Variants in ITGB3 observed in about 807,000 individuals in gnomAD.
The protein encoded by ITGB3 is integrin subunit beta 3, also known as integrin beta-3.
A neutral mutation model predicts 85.8 loss-of-function variants in ITGB3; 48 were observed. The ratio of observed to expected loss-of-function variants is 0.56; its 90% CI spans 0.44 to 0.71. ITGB3 has a LOEUF of 0.71. ITGB3 is among the 30% of genes least tolerant of loss of function. The pLI is 0.00. For synonymous variants in ITGB3, 363 were observed against 395.6 expected, an observed-to-expected ratio of 0.92 and a Z score of 0.98; for missense variants, 861 against 1,019.1, an observed-to-expected ratio of 0.84 and a Z score of 2.11.
At chr17:47,301,546 T>A (rs1298221894) in intron 12 of ITGB3, among the ~76,000 whole-genome samples, 2 of 151,430 alleles carry the variant, frequency 1.3e-5, no homozygotes, top group Non-Finnish European at 2.9e-5. Flanking sequence ...GAGGAGAGGC[T>A]GCTGAGATAT....
intron 13 of ITGB3, among the ~76,000 whole-genome samples, chr17:47,307,263 G>A (rs189395791): frequency 4.3e-4 from 65 of 152,258 alleles, no homozygotes; most frequent in African/African-American, 1.5e-3. Flanking sequence ...TCTGTCTAGG[G>A]GTTACCAGGT....
intron 10 of ITGB3, among the ~76,000 whole-genome samples, chr17:47,297,175 TAA>T (rs1278629636): frequency 6.6e-6 from 1 of 152,138 alleles, no homozygotes; most frequent in Non-Finnish European, 1.5e-5. Context: ...CATATTAGTA[TAA>T]ATAGGGAAAA....
rs2065131315 is a variant in ITGB3 at position 47,292,545 on chromosome 17, G to A, written c.1667G>A (p.Arg556His). 5.0e-6 allele frequency: 8 copies of A among 1,601,428 alleles called. No individual in the cohort carries two copies. Among genetic ancestry groups the A allele is most frequent in the East Asian group, 2.2e-5 (1 of 44,874 alleles). ...YCECDDFSCV[R>H]YKGEMCSGHG... Reference sequence around the variant, plus strand: ...GAGTGTGACGACTTCTCCTGTGTCCGCTACAAGGGGGAGATGTGCTCAGGT... The same window carrying A: ...GAGTGTGACGACTTCTCCTGTGTCCACTACAAGGGGGAGATGTGCTCAGGT... The change falls in exon 10 of 15, where the codon CGC becomes CAC. Residue 556 changes from arginine (R) to histidine (H), a missense_variant. Physicochemically the swap from Arg to His is conservative, Grantham distance 29 (BLOSUM62 0). Transcript: ENST00000559488.
chr17:47,261,559 G>A (rs1481280623), intron 1 of ITGB3, among the ~76,000 whole-genome samples: 4 of 137,316 alleles, frequency 2.9e-5, no homozygotes, highest in South Asian at 2.3e-4. Context: ...TCACTCTGTC[G>A]CCCAGGCTGG....
intron 10 of ITGB3, among the ~76,000 whole-genome samples, chr17:47,298,421 G>A (rs542825553): frequency 6.6e-6 from 1 of 152,238 alleles, no homozygotes; most frequent in Admixed American, 6.5e-5. Flanking sequence ...TGGCTCCGTT[G>A]GCCAACTCCA....
chr17:47,302,937 C>A, intron 13 of ITGB3, 97 bp downstream of exon 13: 1 of 1,420,434 alleles, frequency 7.0e-7, no homozygotes, highest in Non-Finnish European at 9.8e-7. Flanking sequence ...TTAAGCAAAA[C>A]AGGTTAAGCC....
intron 1 of ITGB3, among the ~76,000 whole-genome samples, chr17:47,273,395 G>T (rs1197149551): frequency 6.6e-6 from 1 of 152,174 alleles, no homozygotes; most frequent in Non-Finnish European, 1.5e-5. Context: ...CCTCCTTAAG[G>T]CACTGCAGGA....
In ITGB3 at chr17:47,310,399, TTGTG is replaced by T. The variant is rs1314990203; in HGVS notation, c.*200_*203del. On this transcript the variant is annotated 3_prime_UTR_variant, in exon 15 of 15. Coordinates refer to ENST00000559488, the MANE Select transcript of ITGB3 (RefSeq NM_000212.3). The stretch of plus-strand genomic sequence containing the variant: ...GGGTCTGTGTGTTTATGTGTGTGTG[TTGTG>T]TGTGGGAGTGTGTAATTTAAAATTG... 4.4e-6 allele frequency: 3 copies of T among 675,696 alleles called. No individual in the cohort carries two copies. In the East Asian group the frequency reaches 8.3e-5, roughly 19 times the overall value. 41.9% of individuals were successfully genotyped at this position (675,696 alleles called of 1,614,324 possible).
At chr17:47,310,024 T>C (rs1341827632) in intron 14 of ITGB3, 115 bp from the exon 15 acceptor site, 6 of 818,796 alleles carry the variant, frequency 7.3e-6, no homozygotes, top group Non-Finnish European at 1.3e-5. Flanking sequence ...GTTTCATTGA[T>C]GATGTATTCC....
At chr17:47,300,613 A>G in intron 12 of ITGB3, 35 bp downstream of exon 12, 1 of 1,495,834 alleles carries the variant, frequency 6.7e-7, no homozygotes, top group Non-Finnish European at 9.3e-7. Flanking sequence ...GCACACACCC[A>G]GGTTCTAAAT....
rs2065158757 is a variant in ITGB3, at chr17:47,299,628, G to A, written c.1913+98G>A. ...CTCCAGGTGTGTTTCTTGCTCACCA[G>A]AGCCTTAGGGAGAGGAGTCCACTCC... On this transcript the variant is annotated intron_variant, in intron 11 of 14. Transcript: ENST00000559488. This position sits in a 1 kb window ranked among gnomAD's most constrained non-coding sequence, Gnocchi z 5.1. 2.6e-6 allele frequency: 3 copies of A among 1,135,624 alleles called. No homozygotes were observed. The highest frequency in any genetic ancestry group is 3.9e-5 in the Admixed American group (2 of 50,852). 70.3% of individuals were successfully genotyped at this position (1,135,624 alleles called of 1,614,324 possible). A position where few individuals can be genotyped will look rare whatever the true frequency, so the allele number is the denominator to read the frequency against.
At chr17:47,272,074 T>G (rs568504078) in intron 1 of ITGB3, among the ~76,000 whole-genome samples, 1 of 148,228 alleles carries the variant, frequency 6.7e-6, no homozygotes, top group East Asian at 2.0e-4. Flanking sequence ...TTTTTTTTTT[T>G]TGAGATGGAG....
At chr17:47,295,306 A>G (rs2065141422) in intron 10 of ITGB3, among the ~76,000 whole-genome samples, 2 of 152,056 alleles carry the variant, frequency 1.3e-5, no homozygotes, top group South Asian at 4.1e-4. Context: ...GACAGACAGG[A>G]GTGGAGCGAG....
At chr17:47,275,201 T>A (rs1214681763) in intron 2 of ITGB3, among the ~76,000 whole-genome samples, 1 of 152,184 alleles carries the variant, frequency 6.6e-6, no homozygotes, top group Non-Finnish European at 1.5e-5. Flanking sequence ...TCTCTTCTTC[T>A]TTCCTTCCTT....
chr17:47,272,318 T>G (rs1418365557), intron 1 of ITGB3, among the ~76,000 whole-genome samples: 1 of 152,170 alleles, frequency 6.6e-6, no homozygotes, highest in East Asian at 1.9e-4. Context: ...CCTCCCAAAG[T>G]GCTGGGATTA....
At chr17:47,307,814 C>T (rs889445943) in intron 14 of ITGB3, among the ~76,000 whole-genome samples, 177 bp downstream of exon 14, 20 of 152,260 alleles carry the variant, frequency 1.3e-4, no homozygotes, top group East Asian at 1.9e-4. Flanking sequence ...CCTTCAGCCT[C>T]TTAGAAATAG....
chr17:47,282,432 T>A (rs766340950), intron 2 of ITGB3, among the ~76,000 whole-genome samples: 2 of 152,218 alleles, frequency 1.3e-5, no homozygotes, highest in African/African-American at 4.8e-5. Flanking sequence ...ACTTTTTGAC[T>A]CTATGATTTT....
In ITGB3 at chr17:47,291,088, G is replaced by A. The variant is rs74458693; in HGVS notation, c.1260G>A (p.Thr420=). ...KSCMGLKIGD[T]VSFSIEAKVR... is the part of the protein sequence containing the mutation. ...GTATGGGACTCAAGATTGGAGACAC[G>A]GTGAGGTGGGCTGGGCAGGGCCTTT... The change falls in exon 9 of 15, where the codon ACG becomes ACA. Residue 420 remains threonine (T), a splice_region_variant and synonymous_variant. Transcript: ENST00000559488. The A allele has an allele frequency of 5.6e-6, 9 of 1,613,980 alleles. No individual in the cohort carries two copies. The highest frequency in any genetic ancestry group is 2.7e-5 in the African/African-American group (2 of 74,914).
At position 47,299,159 on chromosome 17, in the gene ITGB3, G is replaced by A; in HGVS notation, c.1691-149G>A. 2 of 755,884 alleles carry A rather than the reference G, an allele frequency of 2.6e-6. No individual in the cohort carries two copies. Among genetic ancestry groups the A allele is most frequent in the Non-Finnish European group, 4.5e-6 (2 of 441,208 alleles). The allele number at this position is 755,884 out of a possible 1,614,324, so 46.8% of individuals were successfully genotyped here. A position where few individuals can be genotyped will look rare whatever the true frequency, so the allele number is the denominator to read the frequency against. ...AAACTGAGTTTGTCCCTGCTGGGTA[G>A]GACTCCCCTGGGTGGTGAGCCAATT... On this transcript the variant is annotated intron_variant, in intron 10 of 14. Transcript: ENST00000559488. The surrounding 1 kb of genome is among the most constrained non-coding windows in gnomAD (Gnocchi z 5.1).
Sources: allele counts gnomAD v4.1 joint callset (sites outside exome capture counted in the v4.1 genomes callset), GRCh38; gene constraint gnomAD v4.1.1; non-coding constraint Gnocchi (gnomAD v3.1); transcripts MANE v1.5; gene names NCBI Gene and HGNC (gene_info 2026-07-23, HGNC 2026-07-21).